The following IL17REL variants were observed in gnomAD, a reference collection of about 807,000 sequenced individuals.
IL17REL encodes the protein interleukin-17 receptor E-like protein.
In IL17REL, 36 loss-of-function variants were observed where a neutral mutation model predicts 49.0. That is an observed-to-expected ratio of 0.73 (90% CI 0.56 to 0.97). The LOEUF (loss-of-function observed/expected upper bound fraction) is 0.97, where lower values mean the gene tolerates loss of function less well. IL17REL is among the 50% of genes least tolerant of loss of function. The pLI, the probability that IL17REL is intolerant of heterozygous loss-of-function variation, is 0.00. For missense variants in IL17REL, 470 were observed against 453.9 expected, an observed-to-expected ratio of 1.04 and a Z score of -0.32; for synonymous variants, 206 against 192.4, an observed-to-expected ratio of 1.07 and a Z score of -0.58.
rs187122962 is a variant in IL17REL, at chr22:49,997,623, A to G, written c.877+62T>C. On this transcript the variant is annotated intron_variant, in intron 10 of 12. Transcript: ENST00000341280. ...GTTATTCCACCTCCCTGACCAGCAC[A>G]GAGTGATATAAAGGATGTTCTGTGC... 106 of 1,533,828 alleles carry G rather than the reference A, an allele frequency of 6.9e-5. No individual in the cohort carries two copies. The East Asian group carries it at 2.3e-3, about 33-fold the overall frequency.
intron 10 of IL17REL, chr22:49,997,457 G>A: frequency 6.3e-7 from 1 of 1,580,832 alleles, no homozygotes; most frequent in Non-Finnish European, 8.7e-7. Flanking sequence ...CCCTTTGTGG[G>A]CGAAGGCTGG....
chr22:50,010,856 C>T (rs1361797140), upstream of IL17REL, among the ~76,000 whole-genome samples: 9 of 151,504 alleles, frequency 5.9e-5, no homozygotes, highest in African/African-American at 1.2e-4. Flanking sequence ...GCGCCTCCCC[C>T]GCACGGGGTT....
chr22:49,998,353 C>G, intron 7 of IL17REL, 44 bp from the exon 10 acceptor site: 1 of 1,550,746 alleles, frequency 6.4e-7, no homozygotes, highest in South Asian at 1.2e-5. Flanking sequence ...GGGCCCTACC[C>G]TGGCTGCCAG....
intron 7 of IL17REL, among the ~76,000 whole-genome samples, chr22:49,998,839 A>ATGTGTGTGCATGTGTATGGGCG (rs1279437847): frequency 7.2e-6 from 1 of 138,746 alleles, no homozygotes; most frequent in Non-Finnish European, 1.6e-5. Context: ...GTGCATGTGT[A>ATGTGTGTGCATGTGTATGGGCG]TGTGTGTGCA....
At chr22:50,001,760 G>A (rs1271986303) in intron 1 of IL17REL, among the ~76,000 whole-genome samples, 1 of 152,254 alleles carries the variant, frequency 6.6e-6, no homozygotes, top group Non-Finnish European at 1.5e-5. Flanking sequence ...GACGTGGGCA[G>A]TGTGGAGCTG....
rs148482662 is a variant in IL17REL, at chr22:50,001,092, G to A, written c.99C>T (p.Ile33=). ...GAGGCCACCTCTCACCATGCAGGGT[G>A]ATGGAGGCGCGTACACGCAGGAGCA... The change falls in exon 2 of 13, where the codon ATC becomes ATT. Residue 33 remains isoleucine (I), a synonymous_variant. Transcript: ENST00000341280. 11 of 1,588,156 alleles carry A rather than the reference G, an allele frequency of 6.9e-6. No individual in the cohort carries two copies. The African/African-American group carries it at 1.3e-4, about 19-fold the overall frequency.
chr22:50,011,940 C>G (rs2061143448), upstream of IL17REL, among the ~76,000 whole-genome samples: 1 of 152,266 alleles, frequency 6.6e-6, no homozygotes, highest in Non-Finnish European at 1.5e-5. Context: ...TGAGTCCTCC[C>G]TTTCCGGGAC....
exon 13 of IL17REL, chr22:49,996,814 T>G: frequency 1.9e-6 from 1 of 515,380 alleles, no homozygotes; most frequent in Non-Finnish European, 3.4e-6. Flanking sequence ...GGAGCGGAGG[T>G]TGCAGAGCTG....
At chr22:49,997,812 A>G (rs2061046443) in intron 9 of IL17REL, 70 bp from the exon 12 acceptor site, 9 of 1,516,980 alleles carry the variant, frequency 5.9e-6, no homozygotes, top group South Asian at 2.2e-5. Flanking sequence ...AGGGGCAGGG[A>G]CAGGGACAGG....
exon 5 of IL17REL, chr22:49,999,848 C>T (rs900830803): frequency 6.6e-7 from 1 of 1,522,286 alleles, no homozygotes. Context: ...GCGCCGGCGT[C>T]CTCGCAGGTG....
At chr22:49,992,349 G>C (rs2061010672), downstream of IL17REL, among the ~76,000 whole-genome samples, 1 of 152,194 alleles carries the variant, frequency 6.6e-6, no homozygotes, top group Admixed American at 6.5e-5. Flanking sequence ...TGTTAGAGCC[G>C]GGCAATGCAA....
At chr22:50,006,674 C>A (rs1019741223) in intron 1 of IL17REL, among the ~76,000 whole-genome samples, 1 of 152,078 alleles carries the variant, frequency 6.6e-6, no homozygotes, top group African/African-American at 2.4e-5. Context: ...CAGATTGGGG[C>A]CGGGCGCAGT....
intron 1 of IL17REL, among the ~76,000 whole-genome samples, chr22:50,006,954 C>A (rs868249620): frequency 0.015 from 1,501 of 100,860 alleles, no homozygotes; most frequent in Admixed American, 0.016. Context: ...GACTCTGTCT[C>A]AAAAAAAAAA....
exon 6 of IL17REL, chr22:49,999,438 C>A: frequency 1.8e-5 from 29 of 1,612,350 alleles, no homozygotes; most frequent in Non-Finnish European, 2.5e-5. Context: ...GACCTCCAGG[C>A]ACAGGCACGG....
chr22:50,000,419 C>T, intron 4 of IL17REL, 59 bp downstream of exon 5: 1 of 1,350,428 alleles, frequency 7.4e-7, no homozygotes, highest in South Asian at 1.2e-5. Context: ...AAGTCCCACC[C>T]CAAGCCAGGC....
intron 1 of IL17REL, among the ~76,000 whole-genome samples, chr22:50,002,515 G>C (rs1290996585): frequency 1.7e-5 from 1 of 57,388 alleles, no homozygotes; most frequent in Non-Finnish European, 3.7e-5. Flanking sequence ...TTTTTTTTTT[G>C]AGACAGTCCC....
Position 50,001,127 on chromosome 22 carries a change from C to T in IL17REL, c.64G>A (p.Gly22Ser), listed in dbSNP as rs543772556. 1.4e-5 allele frequency: 23 copies of T among 1,605,152 alleles called. No homozygotes were observed. Among genetic ancestry groups the T allele is most frequent in the Middle Eastern group, 1.7e-4 (1 of 6,038 alleles). Residue 22 changes from glycine to serine, a missense_variant, in exon 2 of 13, where the codon GGC becomes AGC. Gly to Ser is a moderately conservative substitution (Grantham distance 56). Transcript: ENST00000341280. ...CGTACACGCAGGAGCATCGCGCAGC[C>T]GTCAGAGGGGACACACTGCATGGCA...
chr22:50,006,356 A>G (rs59247911), intron 1 of IL17REL, among the ~76,000 whole-genome samples: 4,875 of 152,096 alleles, frequency 0.032, 215 homozygotes, highest in African/African-American at 0.11. Context: ...ACAGTCAGAC[A>G]CTGCTCCTGG....
chr22:49,997,973 C>T, intron 9 of IL17REL, 52 bp downstream of exon 11: 1 of 1,579,204 alleles, frequency 6.3e-7, no homozygotes, highest in Non-Finnish European at 8.6e-7. Flanking sequence ...CGCCCTGATG[C>T]CCCCTGGCCC....
Sources: allele counts gnomAD v4.1 joint callset (sites outside exome capture counted in the v4.1 genomes callset), GRCh38; gene constraint gnomAD v4.1.1; transcripts MANE v1.5; gene names NCBI Gene and HGNC (gene_info 2026-07-23, HGNC 2026-07-21).